The following EZR variants were observed in gnomAD, a reference collection of about 807,000 sequenced individuals.
EZR encodes cytovillin 2.
Under a neutral mutation model 74.8 loss-of-function variants are expected in EZR, and 40 were observed. The ratio of observed to expected loss-of-function variants is 0.53; its 90% confidence interval spans 0.42 to 0.70. EZR has a LOEUF of 0.70. Among genes scored for constraint, EZR ranks in the 30% least tolerant of loss-of-function variants. The pLI, the probability that EZR is intolerant of heterozygous loss-of-function variation, is 0.00. For synonymous variants in EZR, 341 were observed against 283.3 expected, an observed-to-expected ratio of 1.20 and a Z score of -2.05; for missense variants, 678 against 755.8, an observed-to-expected ratio of 0.90 and a Z score of 1.21.
chr6:158,767,414 C>G lies in EZR; in HGVS notation c.1443G>C (p.Val481=). The G allele has an allele frequency of 2.5e-6, 4 of 1,613,894 alleles. No individual in the cohort carries two copies. Among genetic ancestry groups the G allele is most frequent in the Non-Finnish European group, 3.4e-6 (4 of 1,179,928 alleles). The change falls in exon 13 of 14, where the codon GTG becomes GTC. Residue 481 remains valine, a synonymous_variant. Transcript: ENST00000367075. Reference sequence around the variant, plus strand: ...GCAAGCTCTCCTGGACATGGTAGCTCACCGGCTCGTACACGGGGGGTGGTG... The same window carrying G: ...GCAAGCTCTCCTGGACATGGTAGCTGACCGGCTCGTACACGGGGGGTGGTG... ...PPPPPPVYEP[V]SYHVQESLQD...
At position 158,803,546 on chromosome 6, in the gene EZR, T is replaced by TAC. The variant is rs1384252968; in HGVS notation, c.13-14176_13-14175insGT. Among the ~76,000 whole-genome samples, 3 of 1,716 alleles carry TAC rather than the reference T, an allele frequency of 1.7e-3. 1 individual carries two copies. The highest frequency in any genetic ancestry group is 4.0e-3 in the African/African-American group (3 of 746). The allele number at this position is 1,716 out of a possible 152,430, so 1.1% of individuals were successfully genotyped here. A position where few individuals can be genotyped will look rare whatever the true frequency, so the allele number is the denominator to read the frequency against. On this transcript the variant is annotated intron_variant, in intron 2 of 13. Transcript: ENST00000367075. ...GTAACATTATATATATATATATATG[T>TAC]ATATATATATATATATATATATATA...
At chr6:158,769,464 A>G (rs770867105) in intron 11 of EZR, 46 bp from the exon 12 acceptor site, 5 of 1,573,994 alleles carry the variant, frequency 3.2e-6, no homozygotes, top group Admixed American at 1.7e-5. Context: ...TATCCTTTCA[A>G]CGGAGTCCAG....
At chr6:158,788,174 T>C (rs1223889465) in intron 3 of EZR, 1 of 152,222 alleles carries the variant, frequency 6.6e-6, no homozygotes, top group Non-Finnish European at 1.5e-5. Flanking sequence ...AACTCAGGTA[T>C]ACAGAGCATT....
At chr6:158,774,442 T>C (rs1206854943) in intron 8 of EZR, among the ~76,000 whole-genome samples, 1 of 152,056 alleles carries the variant, frequency 6.6e-6, no homozygotes, top group African/African-American at 2.4e-5. Flanking sequence ...TTCCTTCACG[T>C]AAATGTAGGC....
chr6:158,772,106 C>T (rs1353317211), intron 8 of EZR, among the ~76,000 whole-genome samples: 5 of 152,244 alleles, frequency 3.3e-5, no homozygotes, highest in African/African-American at 4.8e-5. Context: ...CCTGCTCCTG[C>T]CACACCAGCT....
At chr6:158,770,069 C>G (rs2128565160) in intron 10 of EZR, 125 bp from the exon 11 acceptor site, 1 of 1,275,446 alleles carries the variant, frequency 7.8e-7, no homozygotes, top group Non-Finnish European at 1.1e-6. Flanking sequence ...GGGATGTCTT[C>G]CAGTGACCCT....
chr6:158,818,255 C>T (rs913607170), intron 1 of EZR, 89 bp from the exon 2 acceptor site: 2 of 649,284 alleles, frequency 3.1e-6, no homozygotes, highest in Non-Finnish European at 4.9e-6. Context: ...AGCGCGCTGC[C>T]GCTTAAGAAC....
chr6:158,799,742 T>A (rs1196825080), intron 2 of EZR, among the ~76,000 whole-genome samples: 1 of 152,238 alleles, frequency 6.6e-6, no homozygotes, highest in Non-Finnish European at 1.5e-5. Flanking sequence ...ATGCAGATAC[T>A]CTAATTCGGT....
intron 2 of EZR, among the ~76,000 whole-genome samples, chr6:158,813,031 A>G (rs1394496182): frequency 6.6e-6 from 1 of 152,130 alleles, no homozygotes; most frequent in African/African-American, 2.4e-5. Flanking sequence ...ATCACAGTCA[A>G]CTTTTCAAAA....
At position 158,771,259 on chromosome 6, in the gene EZR, T is replaced by C; in HGVS notation, c.944A>G (p.Gln315Arg). ...ACGCGCTCACCGCTCCAGCTGCTTC[T>C]GATGCTTCTCCTCCCGGGCCTGGGC... ...MKAQAREEKH[Q>R]KQLERQQLET... The change falls in exon 9 of 14, where the codon CAG (glutamine) becomes CGG (arginine). Residue 315 changes from glutamine to arginine, a missense_variant. Physicochemically the swap from Gln to Arg is conservative, Grantham distance 43. Transcript: ENST00000367075. 1 of 1,613,328 alleles carries C rather than the reference T, an allele frequency of 6.2e-7. No homozygotes were observed. Among genetic ancestry groups the C allele is most frequent in the Non-Finnish European group, 8.5e-7 (1 of 1,179,632 alleles).
At chr6:158,797,650 T>G (rs149105633) in intron 2 of EZR, among the ~76,000 whole-genome samples, 37 of 152,358 alleles carry the variant, frequency 2.4e-4, no homozygotes, top group Admixed American at 2.0e-3. Context: ...TGATAGAAAG[T>G]AGATACAGTA....
intron 12 of EZR, among the ~76,000 whole-genome samples, chr6:158,767,999 T>G (rs1216240846): frequency 1.3e-5 from 2 of 151,766 alleles, no homozygotes; most frequent in Admixed American, 6.6e-5. Context: ...AACAGGTACT[T>G]TCTCCAAAAA....
chr6:158,797,979 T>TGCATTC (rs1298339895), intron 2 of EZR, among the ~76,000 whole-genome samples: 1 of 152,250 alleles, frequency 6.6e-6, no homozygotes, highest in Non-Finnish European at 1.5e-5. Flanking sequence ...GCAGTCACTC[T>TGCATTC]GCATTCCTCC....
At chr6:158,782,814 T>C (rs1791468552) in intron 7 of EZR, among the ~76,000 whole-genome samples, 1 of 152,188 alleles carries the variant, frequency 6.6e-6, no homozygotes, top group African/African-American at 2.4e-5. Context: ...CAATCCAGAA[T>C]CTAGGATTAT....
chr6:158,768,416 G>T (rs1019412428), intron 12 of EZR, among the ~76,000 whole-genome samples: 1 of 152,106 alleles, frequency 6.6e-6, no homozygotes, highest in African/African-American at 2.4e-5. Flanking sequence ...AATACAGATC[G>T]GCAGCGGGAA....
At chr6:158,818,255 C>G in intron 1 of EZR, 89 bp from the exon 2 acceptor site, 2 of 649,284 alleles carry the variant, frequency 3.1e-6, no homozygotes, top group East Asian at 3.1e-5. Context: ...AGCGCGCTGC[C>G]GCTTAAGAAC....
chr6:158,787,544 C>T (rs1791615185), intron 3 of EZR, among the ~76,000 whole-genome samples: 1 of 152,144 alleles, frequency 6.6e-6, no homozygotes, highest in Admixed American at 6.5e-5. Flanking sequence ...CACACAGAAC[C>T]ATGGGAGCCC....
At position 158,803,626 on chromosome 6, in the gene EZR, CAT is replaced by C. The variant is rs1195533506; in HGVS notation, c.13-14257_13-14256del. Among the ~76,000 whole-genome samples the C allele has an allele frequency of 1.3e-3, 24 of 18,304 alleles. 1 individual carries two copies. The highest frequency in any genetic ancestry group is 4.3e-3 in the African/African-American group (21 of 4,888). The allele number at this position is 18,304 out of a possible 152,430, so 12.0% of individuals were successfully genotyped here. Reference sequence around the variant, plus strand: ...ATATACATATATATATATATATATACATATACATACATATATATATATATATA... The same window carrying C: ...ATATACATATATATATATATATATACATACATACATATATATATATATATA... On this transcript the variant is annotated intron_variant, in intron 2 of 13. Coordinates refer to ENST00000367075, the MANE Select transcript of EZR (RefSeq NM_001111077.2).
intron 2 of EZR, among the ~76,000 whole-genome samples, chr6:158,794,292 C>CACCAGCACT (rs1777010762): frequency 6.6e-6 from 1 of 152,094 alleles, no homozygotes. Flanking sequence ...CCACAACCAC[C>CACCAGCACT]ACCAGCACTA....
Sources: allele counts gnomAD v4.1 joint callset (sites outside exome capture counted in the v4.1 genomes callset), GRCh38; gene constraint gnomAD v4.1.1; transcripts MANE v1.5; gene names NCBI Gene and HGNC (gene_info 2026-07-23, HGNC 2026-07-21).